PCDHA5: variants seen among roughly 807,000 people sequenced by gnomAD.
PCDHA5 encodes the protein protocadherin alpha 5, also known as protocadherin alpha-5.
A neutral mutation model predicts 61.6 loss-of-function variants in PCDHA5; 43 were observed. That is an observed-to-expected ratio of 0.70 (90% CI 0.55 to 0.90). The LOEUF is 0.90. Ranked by LOEUF, PCDHA5 falls within the 40% of genes least tolerant of loss-of-function variation. PCDHA5 has a pLI of 0.00. For missense variants in PCDHA5, 1,298 were observed against 1,222.7 expected (o/e 1.06, Z -0.92); for synonymous variants, 627 against 543.9 (o/e 1.15, Z -2.13).
intron 1 of PCDHA5, chr5:140,864,624 A>C (rs2048544669): frequency 6.6e-6 from 1 of 152,110 alleles, no homozygotes; most frequent in African/African-American, 2.4e-5. Flanking sequence ...TTTTTTAAAA[A>C]GAAAACAAAA....
intron 1 of PCDHA5, chr5:140,883,644 A>C (rs2059725253): frequency 1.2e-6 from 2 of 1,613,018 alleles, no homozygotes; most frequent in Non-Finnish European, 1.7e-6. Flanking sequence ...GCGCAGCCCG[A>C]GTACACGGTG....
rs1351509805 is a variant in PCDHA5, at chr5:140,928,584, TG to T, written c.2353-50364del. The T allele has an allele frequency of 8.7e-6, 14 of 1,614,150 alleles. No homozygotes were observed. In the African/African-American group the frequency reaches 1.9e-4, roughly 22 times the overall value. On this transcript the variant is annotated intron_variant, in intron 1 of 3. Coordinates refer to ENST00000529859, the MANE Select transcript of PCDHA5 (RefSeq NM_018908.3). ...TGTTTCCCTTGCCCAGAAATGGTTCTGTCCCAGTGGAAATTGTGCCCCGCTC... is the reference window on the plus strand; with the variant it reads ...TGTTTCCCTTGCCCAGAAATGGTTCTTCCCAGTGGAAATTGTGCCCCGCTC...
At chr5:140,843,126 G>A (rs2150353418) in intron 1 of PCDHA5, 7 of 1,595,940 alleles carry the variant, frequency 4.4e-6, no homozygotes. Context: ...GCCGACTCGG[G>A]CTACAACGCG....
At chr5:140,931,783 T>A (rs2087751344) in intron 1 of PCDHA5, among the ~76,000 whole-genome samples, 1 of 151,996 alleles carries the variant, frequency 6.6e-6, no homozygotes, top group African/African-American at 2.4e-5. Context: ...TTCAATTACC[T>A]ATTGATCTGA....
intron 1 of PCDHA5, among the ~76,000 whole-genome samples, chr5:140,957,264 A>G (rs1554222901): frequency 1.3e-5 from 2 of 152,198 alleles, no homozygotes; most frequent in African/African-American, 2.4e-5. Flanking sequence ...ATATGTAAGC[A>G]CTAGTCCCCC....
At chr5:140,982,675 T>C in intron 3 of PCDHA5, 112 bp downstream of exon 3, 1 of 1,441,782 alleles carries the variant, frequency 6.9e-7, no homozygotes, top group Non-Finnish European at 9.1e-7. Flanking sequence ...ATTTTTGTTA[T>C]TCCCTTTTTT....
chr5:140,857,728 C>T lies in PCDHA5; in HGVS notation c.2352+33601C>T, dbSNP rs781841380. ...TGTTCGTGCTGGACGAGAACGACAACGCTCCCGCGCTGCTGGCGTCTCCCG... is the reference window on the plus strand; with the variant it reads ...TGTTCGTGCTGGACGAGAACGACAATGCTCCCGCGCTGCTGGCGTCTCCCG... On this transcript the variant is annotated intron_variant, in intron 1 of 3. Transcript: ENST00000529859. 5.6e-6 allele frequency: 9 copies of T among 1,597,306 alleles called. 1 individual carries two copies. Among genetic ancestry groups the T allele is most frequent in the Non-Finnish European group, 5.1e-6 (6 of 1,167,718 alleles).
intron 1 of PCDHA5, chr5:140,849,693 A>T (rs2150445321): frequency 6.3e-7 from 1 of 1,598,584 alleles, no homozygotes; most frequent in South Asian, 1.1e-5. Flanking sequence ...GCTGGTGTCC[A>T]CCTACAAGAA....
intron 1 of PCDHA5, chr5:140,841,757 A>G (rs144800443): frequency 7.4e-6 from 12 of 1,613,818 alleles, no homozygotes; most frequent in African/African-American, 1.3e-5. Context: ...TTCAGAATCC[A>G]GAATGCCAGA....
At chr5:140,858,172 G>A (rs1554151243) in intron 1 of PCDHA5, 1 of 1,597,816 alleles carries the variant, frequency 6.3e-7, no homozygotes, top group South Asian at 1.1e-5. Context: ...TGTCCAGCTT[G>A]CTGGTGCTCA....
At chr5:140,876,916 G>A (rs2056692894) in intron 1 of PCDHA5, 3 of 1,613,960 alleles carry the variant, frequency 1.9e-6, no homozygotes, top group Non-Finnish European at 2.5e-6. Flanking sequence ...GGCATGGGAC[G>A]CGGACGCGCA....
chr5:140,858,178 G>A (rs887914398), intron 1 of PCDHA5: 1 of 1,597,564 alleles, frequency 6.3e-7, no homozygotes, highest in East Asian at 2.2e-5. Flanking sequence ...GCTTGCTGGT[G>A]CTCACGCTGC....
At chr5:140,841,918 C>G (rs2150325531) in intron 1 of PCDHA5, 33 of 1,613,726 alleles carry the variant, frequency 2.0e-5, no homozygotes, top group Non-Finnish European at 2.6e-5. Flanking sequence ...TAAGAAAATC[C>G]TTGGACAGAG....
chr5:140,875,498 C>G lies in PCDHA5; in HGVS notation c.2352+51371C>G. 1.9e-6 allele frequency: 3 copies of G among 1,613,292 alleles called. No homozygotes were observed. Among genetic ancestry groups the G allele is most frequent in the Non-Finnish European group, 1.7e-6 (2 of 1,179,476 alleles). ...ATGGTGATTATCGGACCAAGAGGCCCGGGATCCCAGCGTCTGCTGCTCTCG... is the reference window on the plus strand; with the variant it reads ...ATGGTGATTATCGGACCAAGAGGCCGGGGATCCCAGCGTCTGCTGCTCTCG... On this transcript the variant is annotated intron_variant, in intron 1 of 3. Transcript: ENST00000529859.
chr5:140,843,464 C>T lies in PCDHA5; in HGVS notation c.2352+19337C>T. On this transcript the variant is annotated intron_variant, in intron 1 of 3. Transcript: ENST00000529859. ...GGTATCCAGCCTGCTGGTGCTCACG[C>T]TGCTGCTGTACACTGCGCTGCGGTG... 3.1e-6 allele frequency: 5 copies of T among 1,596,058 alleles called. 1 individual carries two copies. The highest frequency in any genetic ancestry group is 4.3e-6 in the Non-Finnish European group (5 of 1,165,644).
intron 1 of PCDHA5, chr5:140,966,454 C>G (rs897696652): frequency 1.6e-5 from 7 of 426,406 alleles, no homozygotes; most frequent in Non-Finnish European, 1.6e-5. Flanking sequence ...TCCCCCTCCC[C>G]CTCTGTCTTC....
chr5:140,868,091 G>T (rs1355947056), intron 1 of PCDHA5: 1 of 151,974 alleles, frequency 6.6e-6, no homozygotes, highest in African/African-American at 2.4e-5. Flanking sequence ...TTTATAAAAT[G>T]ATAATAAAAT....
chr5:140,877,372 A>T, intron 1 of PCDHA5: 6 of 1,613,992 alleles, frequency 3.7e-6, no homozygotes, highest in Non-Finnish European at 5.1e-6. Flanking sequence ...GATCAGCACG[A>T]CACGCATCCT....
At chr5:140,854,022 C>A in intron 1 of PCDHA5, 1 of 318,106 alleles carries the variant, frequency 3.1e-6, no homozygotes, top group Non-Finnish European at 4.7e-6. Context: ...ATTAGCCGGG[C>A]ATGGTGGCAC....
Sources: gnomAD v4.1 joint callset for allele counts (sites outside exome capture counted in the v4.1 genomes callset) on GRCh38, gnomAD v4.1.1 for gene constraint, MANE v1.5 for transcripts, NCBI Gene and HGNC (gene_info 2026-07-23, HGNC 2026-07-21) for gene names.